The following AGAP1 variants were observed in gnomAD, a reference collection of about 807,000 sequenced individuals.
AGAP1 encodes the protein arf-GAP with GTPase, ANK repeat and PH domain-containing protein 1.
Under a neutral mutation model 105.3 loss-of-function variants are expected in AGAP1, and 29 were observed. That is an observed-to-expected ratio of 0.28 (90% confidence interval 0.21 to 0.38). The LOEUF is 0.38. Ranked by LOEUF, AGAP1 falls within the 10% of genes least tolerant of loss-of-function variation. The probability of loss-of-function intolerance (pLI) is 1.00; values close to 1 mark genes in which losing one functional copy is unlikely to be tolerated. For synonymous variants in AGAP1, 509 were observed against 485.9 expected (o/e 1.05, Z -0.63); for missense variants, 998 against 1,165.1 (o/e 0.86, Z 2.09).
chr2:235,508,744 A>G (rs763748760), intron 1 of AGAP1, among the ~76,000 whole-genome samples: 40 of 152,220 alleles, frequency 2.6e-4, no homozygotes, highest in Non-Finnish European at 5.6e-4. Flanking sequence ...AAGCCACACA[A>G]ATTCTGTGAC....
intron 1 of AGAP1, among the ~76,000 whole-genome samples, chr2:235,636,155 A>T (rs1424609766): frequency 6.6e-6 from 1 of 151,062 alleles, no homozygotes. Flanking sequence ...AAATAAATAA[A>T]GTCTCATCTT....
In AGAP1 at chr2:235,747,717, C is replaced by G. The variant is rs774190279; in HGVS notation, c.539-2637C>G. Among the ~76,000 whole-genome samples, 5 of 152,236 alleles carry G rather than the reference C, an allele frequency of 3.3e-5. No homozygotes were observed. Among genetic ancestry groups the G allele is most frequent in the African/African-American group, 7.2e-5 (3 of 41,464 alleles). Reference sequence around the variant, plus strand: ...CTTGCTTCCTGCGTGCAGACTTGCTCTCCGTGAAGCCCGTGCTCGGCTGCT... The same window carrying G: ...CTTGCTTCCTGCGTGCAGACTTGCTGTCCGTGAAGCCCGTGCTCGGCTGCT... On this transcript the variant is annotated intron_variant, in intron 5 of 17. Coordinates refer to ENST00000304032, the MANE Select transcript of AGAP1 (RefSeq NM_001037131.3). This position sits in a 1 kb window ranked among gnomAD's most constrained non-coding sequence, Gnocchi z 5.0.
chr2:235,541,778 C>T (rs1479080191), intron 1 of AGAP1, among the ~76,000 whole-genome samples: 4 of 152,120 alleles, frequency 2.6e-5, no homozygotes. Flanking sequence ...GTATATATTG[C>T]TCAATTTTAC....
Position 235,620,644 on chromosome 2 carries a change from C to G in AGAP1, c.164-88535C>G, listed in dbSNP as rs1368189162. Among the ~76,000 whole-genome samples the G allele has an allele frequency of 1.3e-5, 2 of 152,172 alleles. No homozygotes were observed. Among genetic ancestry groups the G allele is most frequent in the Admixed American group, 1.3e-4 (2 of 15,282 alleles). Reference sequence around the variant, plus strand: ...TCCTCCTCACCTCCTCACCTGCTTCCTATTTCCCCATAAACCCCAGCTCCC... The same window carrying G: ...TCCTCCTCACCTCCTCACCTGCTTCGTATTTCCCCATAAACCCCAGCTCCC... On this transcript the variant is annotated intron_variant, in intron 1 of 17. Coordinates refer to ENST00000304032, the MANE Select transcript of AGAP1 (RefSeq NM_001037131.3). This position sits in a 1 kb window ranked among gnomAD's most constrained non-coding sequence, Gnocchi z 4.5.
rs1553664849 is a variant in AGAP1, at chr2:235,890,180, T to TTTA, written c.1155+6731_1155+6732insTTA. Among the ~76,000 whole-genome samples, 163 of 150,710 alleles carry TTTA rather than the reference T, an allele frequency of 1.1e-3. 1 individual carries two copies. Among genetic ancestry groups the TTTA allele is most frequent in the South Asian group, 2.5e-3 (12 of 4,714 alleles). ...TTATTCCCTTTTTTTTTTTTTTTTT[T>TTTA]AAGACAGTCTTACTCTGTCCCCCAG... On this transcript the variant is annotated intron_variant, in intron 10 of 17. Transcript: ENST00000304032.
chr2:235,545,544 G>A (rs1255507964), intron 1 of AGAP1, among the ~76,000 whole-genome samples: 4 of 152,184 alleles, frequency 2.6e-5, no homozygotes, highest in Non-Finnish European at 5.9e-5. Context: ...GTTTTACTCC[G>A]ACTCCGTTGC....
intron 9 of AGAP1, among the ~76,000 whole-genome samples, chr2:235,869,928 T>C (rs12611993): frequency 0.78 from 119,060 of 152,162 alleles, 46,792 homozygotes; most frequent in East Asian, 1. Flanking sequence ...TTCCCAGGGG[T>C]GTAAAGCAGG....
intron 9 of AGAP1, among the ~76,000 whole-genome samples, chr2:235,814,603 A>C (rs1030115466): frequency 6.6e-6 from 1 of 152,166 alleles, no homozygotes; most frequent in Non-Finnish European, 1.5e-5. Flanking sequence ...GTGTGTACTG[A>C]CGATCCCATC....
chr2:235,930,761 C>T lies in AGAP1; in HGVS notation c.1325-4C>T. 13 of 1,613,380 alleles carry T rather than the reference C, an allele frequency of 8.1e-6. No homozygotes were observed. The highest frequency in any genetic ancestry group is 1.1e-5 in the Non-Finnish European group (13 of 1,179,726). On this transcript the variant is annotated splice_region_variant and splice_polypyrimidine_tract_variant and intron_variant, in intron 11 of 17. Coordinates refer to ENST00000304032, the MANE Select transcript of AGAP1 (RefSeq NM_001037131.3). The surrounding 1 kb of genome is among the most constrained non-coding windows in gnomAD (Gnocchi z 7.9). ...TGGTGTTCACCTGACTTGTTTATTC[C>T]TAGGGAATGTCACTAGTGCATCTGG... is the stretch of plus-strand genomic sequence containing the variant.
intron 1 of AGAP1, among the ~76,000 whole-genome samples, chr2:235,560,218 T>C (rs1470961180): frequency 1.3e-5 from 2 of 152,216 alleles, no homozygotes; most frequent in Non-Finnish European, 2.9e-5. Flanking sequence ...TCTATTAATA[T>C]TGTTGTACAA....
intron 1 of AGAP1, among the ~76,000 whole-genome samples, chr2:235,698,351 TCCCTG>T (rs1559365488): frequency 2.6e-5 from 4 of 152,314 alleles, no homozygotes; most frequent in Admixed American, 2.6e-4. Flanking sequence ...CCAGTCCACG[TCCCTG>T]CGGTTGGGGA....
At chr2:235,584,380 A>G (rs1945033631) in intron 1 of AGAP1, among the ~76,000 whole-genome samples, 1 of 150,650 alleles carries the variant, frequency 6.6e-6, no homozygotes, top group Non-Finnish European at 1.5e-5. Flanking sequence ...CCCCCAAAAT[A>G]GTATGTTCAA....
Position 235,733,320 on chromosome 2 carries a change from A to G in AGAP1, c.311-7643A>G, listed in dbSNP as rs1306951405. Among the ~76,000 whole-genome samples, 2 of 152,200 alleles carry G rather than the reference A, an allele frequency of 1.3e-5. No individual in the cohort carries two copies. The highest frequency in any genetic ancestry group is 6.5e-5 in the Admixed American group (1 of 15,280). On this transcript the variant is annotated intron_variant, in intron 3 of 17. Transcript: ENST00000304032. This position sits in a 1 kb window ranked among gnomAD's most constrained non-coding sequence, Gnocchi z 5.0. ...GTCAGGAGACGAAAAAGATGAGGCC[A>G]CGGCTGCCCCTTCTGTTTCTTCCCT... is the stretch of plus-strand genomic sequence containing the variant.
intron 1 of AGAP1, among the ~76,000 whole-genome samples, chr2:235,592,414 G>T (rs927295387): frequency 1.8e-4 from 28 of 152,174 alleles, no homozygotes; most frequent in Non-Finnish European, 3.1e-4. Context: ...GGGGGGCAGT[G>T]AGCAGGATGG....
chr2:235,674,739 G>C (rs571183544), intron 1 of AGAP1, among the ~76,000 whole-genome samples: 1 of 149,418 alleles, frequency 6.7e-6, no homozygotes, highest in South Asian at 2.1e-4. Context: ...TGCCAGGCTG[G>C]AGTGCAGTGA....
rs1229394464 is a variant in AGAP1, at chr2:236,095,874, T to G, written c.2115-24318T>G. 1.3e-5 allele frequency among the ~76,000 whole-genome samples: 2 copies of G among 150,228 alleles called. No individual in the cohort carries two copies. The highest frequency in any genetic ancestry group is 2.4e-5 in the African/African-American group (1 of 41,064). ...TCATGGCGCATAGCTGCTTTTTTCCTTTTAGGATGTGCCTCTCCATAGAGA... is the reference window on the plus strand; with the variant it reads ...TCATGGCGCATAGCTGCTTTTTTCCGTTTAGGATGTGCCTCTCCATAGAGA... On this transcript the variant is annotated intron_variant, in intron 16 of 17. Transcript: ENST00000304032. This position sits in a 1 kb window ranked among gnomAD's most constrained non-coding sequence, Gnocchi z 4.1.
chr2:235,565,526 C>G (rs1422096420), intron 1 of AGAP1, among the ~76,000 whole-genome samples: 1 of 152,224 alleles, frequency 6.6e-6, no homozygotes, highest in Non-Finnish European at 1.5e-5. Flanking sequence ...CTCACAGGAA[C>G]TAACCAGGGA....
Position 236,046,409 on chromosome 2 carries a change from G to A in AGAP1, c.1892-2650G>A, listed in dbSNP as rs1431100604. On this transcript the variant is annotated intron_variant, in intron 15 of 17. Transcript: ENST00000304032. The surrounding 1 kb of genome is among the most constrained non-coding windows in gnomAD (Gnocchi z 5.2). Reference sequence around the variant, plus strand: ...CTTGCACCCCAGTTGCGATGCTGGTGAGGACGCCCATGGGAGCATAAGTTC... The same window carrying A: ...CTTGCACCCCAGTTGCGATGCTGGTAAGGACGCCCATGGGAGCATAAGTTC... Among the ~76,000 whole-genome samples the A allele has an allele frequency of 1.3e-5, 2 of 152,192 alleles. No homozygotes were observed. The highest frequency in any genetic ancestry group is 2.9e-5 in the Non-Finnish European group (2 of 68,042).
chr2:235,797,664 A>G (rs942577621), intron 6 of AGAP1, 95 bp from the exon 7 acceptor site: 3 of 1,487,838 alleles, frequency 2.0e-6, no homozygotes, highest in South Asian at 2.4e-5. Context: ...AAAGAAGGAA[A>G]TAACAGATTT....
Sources: gnomAD v4.1 joint callset for allele counts (sites outside exome capture counted in the v4.1 genomes callset) on GRCh38, gnomAD v4.1.1 for gene constraint, Gnocchi (gnomAD v3.1) non-coding constraint, MANE v1.5 for transcripts, NCBI Gene and HGNC (gene_info 2026-07-23, HGNC 2026-07-21) for gene names.